GNG7: variants seen among roughly 807,000 people sequenced by gnomAD.
The protein encoded by GNG7 is guanine nucleotide-binding protein G(I)/G(S)/G(O) subunit gamma-7.
In GNG7, 1 loss-of-function variant was observed where a neutral mutation model predicts 4.0. The ratio of observed to expected loss-of-function variants is 0.25; its 90% CI spans 0.09 to 1.18. The LOEUF is 1.18. Among genes scored for constraint, GNG7 ranks in the 50% most tolerant of loss-of-function variants. GNG7 has a pLI of 0.50. For missense variants in GNG7, 86 were observed against 91.9 expected (o/e 0.94, Z 0.26); for synonymous variants, 34 against 36.9 (o/e 0.92, Z 0.29).
At chr19:2,582,422 A>T (rs28463383) in intron 2 of GNG7, among the ~76,000 whole-genome samples, 2 of 152,206 alleles carry the variant, frequency 1.3e-5, no homozygotes, top group African/African-American at 4.8e-5. Flanking sequence ...AAAACTTTCA[A>T]GCTCTCCAGT....
intron 2 of GNG7, among the ~76,000 whole-genome samples, chr19:2,583,099 C>T (rs1980550491): frequency 6.6e-6 from 1 of 152,100 alleles, no homozygotes; most frequent in Non-Finnish European, 1.5e-5. Context: ...AGCCACTACA[C>T]CTGGTCTAAC....
In GNG7 at chr19:2,634,008, C is replaced by T. The variant is rs1034203212; in HGVS notation, c.-78+12216G>A. ...GATTCCACGGACCCCCAAGAGACTCCGCGTCCCATGATCCTCTGCCCTGCT... is the reference window on the plus strand; with the variant it reads ...GATTCCACGGACCCCCAAGAGACTCTGCGTCCCATGATCCTCTGCCCTGCT... On this transcript the variant is annotated intron_variant, in intron 2 of 4. Transcript: ENST00000382159. The surrounding 1 kb of genome is among the most constrained non-coding windows in gnomAD (Gnocchi z 5.3). 1.3e-4 allele frequency among the ~76,000 whole-genome samples: 20 copies of T among 152,170 alleles called. No homozygotes were observed. Among genetic ancestry groups the T allele is most frequent in the Middle Eastern group, 6.8e-3 (2 of 294 alleles).
chr19:2,540,495 G>A (rs532166460), intron 3 of GNG7, among the ~76,000 whole-genome samples: 1 of 152,306 alleles, frequency 6.6e-6, no homozygotes, highest in South Asian at 2.1e-4. Context: ...GCCCGACGGC[G>A]TGCCCAGCCT....
At chr19:2,515,264 T>C (rs2144722883) in intron 4 of GNG7, 117 bp from the exon 5 acceptor site, 1 of 1,264,392 alleles carries the variant, frequency 7.9e-7, no homozygotes, top group Non-Finnish European at 1.1e-6. Context: ...AGCCCATTGA[T>C]GGGGGCGTGG....
intron 1 of GNG7, among the ~76,000 whole-genome samples, chr19:2,658,826 G>A (rs368056118): frequency 8.5e-5 from 13 of 152,176 alleles, no homozygotes; most frequent in Admixed American, 1.3e-4. Context: ...GGGGAAATGC[G>A]TACCTTTTCG....
At chr19:2,595,471 T>C (rs1248195155) in intron 2 of GNG7, among the ~76,000 whole-genome samples, 2 of 151,570 alleles carry the variant, frequency 1.3e-5, no homozygotes, top group Non-Finnish European at 2.9e-5. Flanking sequence ...CAGTGGCTCA[T>C]GCCTGTAATC....
chr19:2,582,140 TG>T (rs1192107519), intron 2 of GNG7, among the ~76,000 whole-genome samples: 2 of 152,160 alleles, frequency 1.3e-5, no homozygotes, highest in African/African-American at 4.8e-5. Context: ...GATCAGATCA[TG>T]GAACACAAAA....
intron 1 of GNG7, among the ~76,000 whole-genome samples, chr19:2,683,994 C>G (rs1028862013): frequency 6.6e-6 from 1 of 152,192 alleles, no homozygotes; most frequent in African/African-American, 2.4e-5. Context: ...CCACCGGGCA[C>G]AGAAGTGCGA....
intron 2 of GNG7, among the ~76,000 whole-genome samples, chr19:2,556,313 G>T (rs1979542206): frequency 6.6e-6 from 1 of 152,196 alleles, no homozygotes; most frequent in South Asian, 2.1e-4. Context: ...GGCTTGCCCG[G>T]CGAGGTCAGC....
Position 2,671,044 on chromosome 19 carries a change from C to T in GNG7, c.-134-24764G>A, listed in dbSNP as rs537766176. ...GTCTGGTGTGAGCAGGGAGCAGACT[C>T]GATATTTTTCCAAATAATTAAAGCA... is the stretch of plus-strand genomic sequence containing the variant. On this transcript the variant is annotated intron_variant, in intron 1 of 4. Transcript: ENST00000382159. Among the ~76,000 whole-genome samples the T allele has an allele frequency of 3.3e-5, 5 of 151,640 alleles. 1 individual carries two copies. In the South Asian group the frequency reaches 6.2e-4, roughly 19 times the overall value.
In GNG7 at chr19:2,515,136, C is replaced by T. The variant is rs750633241; in HGVS notation, c.93G>A (p.Ala31=). 28 of 1,613,716 alleles carry T rather than the reference C, an allele frequency of 1.7e-5. No homozygotes were observed. Among genetic ancestry groups the T allele is most frequent in the South Asian group, 5.5e-5 (5 of 91,076 alleles). ...AGIERIKVSK[A]ASDLMSYCEQ... is the part of the protein sequence containing the mutation. ...CACAGTAGCTCATGAGGTCAGACGC[C>T]GCTTTGGAGACCTGTGTTTGAGCAC... is the stretch of plus-strand genomic sequence containing the variant. The change falls in exon 5 of 5, where the codon GCG becomes GCA. Residue 31 remains alanine, a synonymous_variant. Coordinates refer to ENST00000382159, the MANE Select transcript of GNG7 (RefSeq NM_052847.3).
In GNG7 at chr19:2,614,034, C is replaced by T. The variant is rs1193789026; in HGVS notation, c.-78+32190G>A. Among the ~76,000 whole-genome samples the T allele has an allele frequency of 1.3e-5, 2 of 152,206 alleles. No homozygotes were observed. The highest frequency in any genetic ancestry group is 2.9e-5 in the Non-Finnish European group (2 of 68,038). On this transcript the variant is annotated intron_variant, in intron 2 of 4. Transcript: ENST00000382159. The surrounding 1 kb of genome is among the most constrained non-coding windows in gnomAD (Gnocchi z 6.0). The stretch of plus-strand genomic sequence containing the variant: ...CAATGCAGAATCCACCCAGGGAACT[C>T]GGGCCCCGCGCCTACCCCCGGGGTA...
intron 2 of GNG7, among the ~76,000 whole-genome samples, chr19:2,605,950 G>A (rs73526881): frequency 0.062 from 9,436 of 152,178 alleles, 992 homozygotes; most frequent in African/African-American, 0.22. Flanking sequence ...ACAGGTTCCA[G>A]ACATTTAGGA....
In GNG7 at chr19:2,554,369, G is replaced by A. The variant is rs139766359; in HGVS notation, c.-38+780C>T. The stretch of plus-strand genomic sequence containing the variant: ...ACTGGGTATATTTTTTAAGAGACCG[G>A]GTCTCACTCTGTCACCTAGGCTGGA... On this transcript the variant is annotated intron_variant, in intron 3 of 4. Transcript: ENST00000382159. Among the ~76,000 whole-genome samples the A allele has an allele frequency of 2.7e-5, 4 of 147,818 alleles. No homozygotes were observed. The South Asian group carries it at 6.3e-4, about 23-fold the overall frequency.
At chr19:2,597,767 G>A (rs1981067426) in intron 2 of GNG7, among the ~76,000 whole-genome samples, 1 of 150,828 alleles carries the variant, frequency 6.6e-6, no homozygotes. Flanking sequence ...GTGGTGGCGG[G>A]CGCCTGTAGT....
rs905003768 is a variant in GNG7 at position 2,618,511 on chromosome 19, C to A, written c.-78+27713G>T. Among the ~76,000 whole-genome samples the A allele has an allele frequency of 2.0e-5, 3 of 151,860 alleles. No homozygotes were observed. Among genetic ancestry groups the A allele is most frequent in the Non-Finnish European group, 4.4e-5 (3 of 67,978 alleles). On this transcript the variant is annotated intron_variant, in intron 2 of 4. Transcript: ENST00000382159. This position sits in a 1 kb window ranked among gnomAD's most constrained non-coding sequence, Gnocchi z 5.1. ...TTACAGGCACGTGCCACCACACCCA[C>A]CTAATTTTTGTATTTTCAGTGGAGA...
intron 1 of GNG7, among the ~76,000 whole-genome samples, chr19:2,671,916 C>T (rs953835493): frequency 2.0e-5 from 3 of 151,554 alleles, no homozygotes; most frequent in African/African-American, 7.3e-5. Context: ...CCGGGCGTGG[C>T]AGTGGGCACC....
At position 2,512,236 on chromosome 19, in the gene GNG7, A is replaced by G; in HGVS notation, c.*2786T>C. 1.0e-6 allele frequency: 1 copy of G among 985,790 alleles called. No individual in the cohort carries two copies. The highest frequency in any genetic ancestry group is 1.2e-6 in the Non-Finnish European group (1 of 829,910). The allele number at this position is 985,790 out of a possible 1,614,324, so 61.1% of individuals were successfully genotyped here. The stretch of plus-strand genomic sequence containing the variant: ...GCGCGCTCCTGGAAACGCCCATAAA[A>G]CATGCGTTCACCCCAGGGATTCCCG... On this transcript the variant is annotated 3_prime_UTR_variant, in exon 5 of 5. Transcript: ENST00000382159. This position sits in a 1 kb window ranked among gnomAD's most constrained non-coding sequence, Gnocchi z 4.7.
chr19:2,665,980 C>T (rs1329692327), intron 1 of GNG7, among the ~76,000 whole-genome samples: 2 of 152,020 alleles, frequency 1.3e-5, no homozygotes, highest in East Asian at 3.9e-4. Flanking sequence ...ATTCTCCTGC[C>T]TCAGTCCCCC....
Sources: gnomAD v4.1 joint callset for allele counts (sites outside exome capture counted in the v4.1 genomes callset) on GRCh38, gnomAD v4.1.1 for gene constraint, Gnocchi (gnomAD v3.1) non-coding constraint, MANE v1.5 for transcripts, NCBI Gene and HGNC (gene_info 2026-07-23, HGNC 2026-07-21) for gene names.